SNTG1: variants seen among roughly 807,000 people sequenced by gnomAD.
The protein encoded by SNTG1 is gamma-1-syntrophin.
Under a neutral mutation model 74.7 loss-of-function variants are expected in SNTG1, and 39 were observed. The ratio of observed to expected loss-of-function variants is 0.52; its 90% CI spans 0.40 to 0.68. The LOEUF (loss-of-function observed/expected upper bound fraction) is 0.68, where lower values mean the gene tolerates loss of function less well. Ranked by LOEUF, SNTG1 falls within the 30% of genes least tolerant of loss-of-function variation. The pLI is 0.00. For synonymous variants in SNTG1, 254 were observed against 217.1 expected, an observed-to-expected ratio of 1.17 and a Z score of -1.49; for missense variants, 685 against 609.5, an observed-to-expected ratio of 1.12 and a Z score of -1.30.
intron 1 of SNTG1, among the ~76,000 whole-genome samples, chr8:50,012,151 AT>A (rs1249096175): frequency 6.6e-6 from 1 of 152,134 alleles, no homozygotes; most frequent in Non-Finnish European, 1.5e-5. Flanking sequence ...AAAGTGTTTT[AT>A]TTCTTTAAAT....
intron 1 of SNTG1, among the ~76,000 whole-genome samples, chr8:49,953,360 A>T (rs1809894196): frequency 6.6e-6 from 1 of 152,078 alleles, no homozygotes; most frequent in Non-Finnish European, 1.5e-5. Flanking sequence ...ACAGAGGATA[A>T]ATTTCCTGTC....
At chr8:50,695,502 AT>A (rs1395457145) in intron 15 of SNTG1, among the ~76,000 whole-genome samples, 3 of 151,544 alleles carry the variant, frequency 2.0e-5, no homozygotes, top group African/African-American at 7.3e-5. Context: ...TTATTTATTT[AT>A]TTATACTTAG....
At chr8:50,157,531 T>A (rs1399146602) in intron 1 of SNTG1, among the ~76,000 whole-genome samples, 1 of 152,124 alleles carries the variant, frequency 6.6e-6, no homozygotes. Context: ...AAAAACTTAT[T>A]CTTCGCATAA....
chr8:50,741,675 A>G (rs933598560), intron 17 of SNTG1, among the ~76,000 whole-genome samples: 1 of 152,094 alleles, frequency 6.6e-6, no homozygotes, highest in Non-Finnish European at 1.5e-5. Context: ...TATACCTGGA[A>G]AATGGAATAT....
intron 2 of SNTG1, among the ~76,000 whole-genome samples, chr8:50,330,944 G>T (rs2090940310): frequency 6.6e-6 from 1 of 152,146 alleles, no homozygotes; most frequent in African/African-American, 2.4e-5. Context: ...ATAAGATTTG[G>T]GTGGGGACAT....
chr8:50,169,822 T>C (rs1477098126), intron 1 of SNTG1, among the ~76,000 whole-genome samples: 1 of 152,124 alleles, frequency 6.6e-6, no homozygotes, highest in African/African-American at 2.4e-5. Context: ...GCACTTGTAA[T>C]CCCAGCTACT....
intron 2 of SNTG1, among the ~76,000 whole-genome samples, chr8:50,225,275 T>C (rs1033193667): frequency 2.0e-5 from 3 of 152,164 alleles, no homozygotes; most frequent in African/African-American, 7.2e-5. Flanking sequence ...TTTAAATCTG[T>C]TCTCTCTGAA....
chr8:50,153,193 G>C (rs571249452), intron 1 of SNTG1, among the ~76,000 whole-genome samples: 1 of 151,982 alleles, frequency 6.6e-6, no homozygotes, highest in Non-Finnish European at 1.5e-5. Context: ...CCACTTGATC[G>C]AATTGGCTAC....
intron 8 of SNTG1, among the ~76,000 whole-genome samples, chr8:50,488,255 G>T (rs1223309590): frequency 6.6e-6 from 1 of 152,078 alleles, no homozygotes; most frequent in Non-Finnish European, 1.5e-5. Flanking sequence ...ATTTGCCACT[G>T]ACTATTTTAA....
chr8:50,734,655 T>A (rs1167021229), intron 17 of SNTG1, among the ~76,000 whole-genome samples: 4 of 148,976 alleles, frequency 2.7e-5, no homozygotes, highest in Non-Finnish European at 4.5e-5. Context: ...TCTCTGTCTC[T>A]CTCTCTCTGG....
intron 13 of SNTG1, among the ~76,000 whole-genome samples, chr8:50,592,463 A>G (rs910016073): frequency 3.0e-4 from 46 of 152,322 alleles, no homozygotes; most frequent in African/African-American, 1.1e-3. Flanking sequence ...AATCAATGAC[A>G]ACTACAGCTA....
chr8:50,729,053 C>A (rs1435349541), intron 17 of SNTG1, among the ~76,000 whole-genome samples: 1 of 152,134 alleles, frequency 6.6e-6, no homozygotes, highest in Non-Finnish European at 1.5e-5. Context: ...AAATCTTCGC[C>A]TTTTGTTCTA....
chr8:50,565,458 G>A (rs2094511250), intron 12 of SNTG1, among the ~76,000 whole-genome samples: 2 of 151,964 alleles, frequency 1.3e-5, no homozygotes, highest in Non-Finnish European at 2.9e-5. Context: ...ATAACTGTAT[G>A]TTTTTTGTAA....
Position 50,753,405 on chromosome 8 carries a change from T to TA in SNTG1, c.1395+1295dup, listed in dbSNP as rs755443644. 9.4e-4 allele frequency among the ~76,000 whole-genome samples: 143 copies of TA among 152,164 alleles called. 1 individual carries two copies. Among genetic ancestry groups the TA allele is most frequent in the Middle Eastern group, 3.4e-3 (1 of 294 alleles). ...TTTTAATACTGGTGAAAGATGTTAA[T>TA]ATTGTCAGTTCTGTATTATTCTGGC... On this transcript the variant is annotated intron_variant, in intron 18 of 18. Transcript: ENST00000642720.
intron 1 of SNTG1, among the ~76,000 whole-genome samples, chr8:50,117,034 C>G (rs991187989): frequency 7.9e-5 from 12 of 152,016 alleles, no homozygotes; most frequent in African/African-American, 2.9e-4. Context: ...AGGCATGAAA[C>G]AACATGACGA....
chr8:50,180,380 C>T (rs533775477), intron 2 of SNTG1, among the ~76,000 whole-genome samples: 2 of 152,218 alleles, frequency 1.3e-5, no homozygotes, highest in African/African-American at 4.8e-5. Context: ...GTTCATAATA[C>T]TGTTCTGTAT....
At chr8:50,453,835 T>A (rs2131638586) in intron 8 of SNTG1, among the ~76,000 whole-genome samples, 1 of 151,490 alleles carries the variant, frequency 6.6e-6, no homozygotes, top group South Asian at 2.1e-4. Context: ...CCCTGGGGGG[T>A]CACACACAGA....
At chr8:50,778,010 T>G (rs1233779989) in intron 18 of SNTG1, among the ~76,000 whole-genome samples, 2 of 152,178 alleles carry the variant, frequency 1.3e-5, no homozygotes, top group East Asian at 1.9e-4. Flanking sequence ...ATTTCATCCA[T>G]GTCCCTACAA....
chr8:50,464,948 G>T (rs966636816), intron 8 of SNTG1, among the ~76,000 whole-genome samples: 2 of 87,180 alleles, frequency 2.3e-5, no homozygotes, highest in African/African-American at 3.2e-5. Flanking sequence ...AGTACATGCT[G>T]TTGGAAAAAA....
Sources: gnomAD v4.1 joint callset for allele counts (sites outside exome capture counted in the v4.1 genomes callset) on GRCh38, gnomAD v4.1.1 for gene constraint, MANE v1.5 for transcripts, NCBI Gene and HGNC (gene_info 2026-07-23, HGNC 2026-07-21) for gene names.